The following KLHL8 variants were observed in gnomAD, a reference collection of about 807,000 sequenced individuals.
KLHL8 encodes the protein kelch like family member 8.
KLHL8 carries 38 observed loss-of-function variants against 63.5 expected under a neutral mutation model. That is an observed-to-expected ratio of 0.60 (90% CI 0.46 to 0.78). KLHL8 has a LOEUF of 0.78. Among genes scored for constraint, KLHL8 ranks in the 30% least tolerant of loss-of-function variants. The pLI is 0.00. For missense variants in KLHL8, 566 were observed against 752.4 expected (o/e 0.75, Z 2.90); for synonymous variants, 224 against 254.3 (o/e 0.88, Z 1.13).
chr4:87,179,373 G>T lies in KLHL8; in HGVS notation c.953-753C>A, dbSNP rs183738435. On this transcript the variant is annotated intron_variant, in intron 4 of 9. Transcript: ENST00000273963. ...ACACTTAGCTGTCTTTTTGCTTTCA[G>T]ATTGTCAACACAGTAAACTAATGAA... Among the ~76,000 whole-genome samples, 3 of 152,262 alleles carry T rather than the reference G, an allele frequency of 2.0e-5. No individual in the cohort carries two copies. The East Asian group carries it at 5.8e-4, about 29-fold the overall frequency.
chr4:87,211,993 ACTGT>A (rs1346319679), intron 1 of KLHL8, among the ~76,000 whole-genome samples: 2 of 152,232 alleles, frequency 1.3e-5, no homozygotes. Flanking sequence ...GTACAGCAAC[ACTGT>A]CTGCTGAAAA....
At chr4:87,226,834 AATAAT>A (rs1451129523) in intron 1 of KLHL8, among the ~76,000 whole-genome samples, 6 of 7,794 alleles carry the variant, frequency 7.7e-4, no homozygotes, top group African/African-American at 3.1e-3. Context: ...ATTATTTATA[AATAAT>A]ATATATATTA....
chr4:87,190,187 C>A (rs1731427229), intron 2 of KLHL8, among the ~76,000 whole-genome samples: 1 of 152,060 alleles, frequency 6.6e-6, no homozygotes, highest in Non-Finnish European at 1.5e-5. Flanking sequence ...CTTATGCAAG[C>A]ATCTTCTTTA....
intron 1 of KLHL8, among the ~76,000 whole-genome samples, chr4:87,208,291 A>AAAACAAACAAACAAAC (rs61613935): frequency 1.3e-5 from 2 of 152,038 alleles, no homozygotes; most frequent in African/African-American, 4.8e-5. Flanking sequence ...TGCTTAGCCA[A>AAAACAAACAAACAAAC]AAACAAACAA....
chr4:87,194,644 A>G (rs1228491634), intron 2 of KLHL8, among the ~76,000 whole-genome samples: 1 of 152,226 alleles, frequency 6.6e-6, no homozygotes, highest in African/African-American at 2.4e-5. Flanking sequence ...AGATAAGAAG[A>G]AAGTACTTTA....
intron 2 of KLHL8, among the ~76,000 whole-genome samples, chr4:87,190,460 C>A (rs1319610897): frequency 2.0e-5 from 3 of 152,042 alleles, no homozygotes; most frequent in Non-Finnish European, 4.4e-5. Flanking sequence ...GCCTGGCCAA[C>A]ATGGTGAAAC....
intron 1 of KLHL8, among the ~76,000 whole-genome samples, chr4:87,235,910 C>A (rs1247374499): frequency 6.9e-6 from 1 of 145,374 alleles, no homozygotes; most frequent in African/African-American, 2.5e-5. Flanking sequence ...GAGGAGGGTG[C>A]GGGGGAAGGG....
At chr4:87,232,803 A>G (rs1733157774) in intron 1 of KLHL8, among the ~76,000 whole-genome samples, 1 of 152,080 alleles carries the variant, frequency 6.6e-6, no homozygotes, top group South Asian at 2.1e-4. Context: ...AGGTTTTAAT[A>G]TGTTTAATAT....
chr4:87,182,799 A>G (rs1341312222), intron 4 of KLHL8, among the ~76,000 whole-genome samples: 1 of 152,194 alleles, frequency 6.6e-6, no homozygotes, highest in African/African-American at 2.4e-5. Context: ...GAAAAAACAA[A>G]TATTTAGATG....
chr4:87,237,851 A>C (rs1733258914), intron 1 of KLHL8, among the ~76,000 whole-genome samples: 2 of 152,136 alleles, frequency 1.3e-5, no homozygotes, highest in South Asian at 4.1e-4. Context: ...CAGATTTGAC[A>C]CTGATAATAA....
rs564394182 is a variant in KLHL8 at position 87,207,577 on chromosome 4, C to A, written c.-151-11887G>T. The A allele has an allele frequency of 3.4e-6, 4 of 1,181,436 alleles. No homozygotes were observed. In the East Asian group the frequency reaches 7.0e-5, roughly 21 times the overall value. 73.2% of individuals were successfully genotyped at this position (1,181,436 alleles called of 1,614,324 possible). ...CTTAGCGCCCCTGGCCAATGTCATC[C>A]ATGACAACTTTGGTATCGTGGAAGG... On this transcript the variant is annotated intron_variant, in intron 1 of 9. Transcript: ENST00000273963.
rs181988764 is a variant in KLHL8 at position 87,178,628 on chromosome 4, T to G, written c.953-8A>C. On this transcript the variant is annotated splice_polypyrimidine_tract_variant and splice_region_variant and intron_variant, in intron 4 of 9. Coordinates refer to ENST00000273963, the MANE Select transcript of KLHL8 (RefSeq NM_020803.5). ...CTACACAAAACAGCACACCTAAAGG[T>G]AAAGCCACAAAATAGAGATAAATCA... 9.8e-6 allele frequency: 15 copies of G among 1,532,916 alleles called. No individual in the cohort carries two copies. Among genetic ancestry groups the G allele is most frequent in the Non-Finnish European group, 1.3e-5 (15 of 1,145,372 alleles). The allele number at this position is 1,532,916 out of a possible 1,614,324, so 95.0% of individuals were successfully genotyped here.
At chr4:87,215,094 C>T (rs1483891943) in intron 1 of KLHL8, among the ~76,000 whole-genome samples, 3 of 152,156 alleles carry the variant, frequency 2.0e-5, no homozygotes, top group Non-Finnish European at 4.4e-5. Context: ...CCACCCCGCT[C>T]GGCCAGAATT....
chr4:87,188,057 TTCTG>T (rs370224063), intron 2 of KLHL8, among the ~76,000 whole-genome samples: 3 of 152,286 alleles, frequency 2.0e-5, no homozygotes, highest in African/African-American at 7.2e-5. Flanking sequence ...AGACAATCAT[TTCTG>T]TCTGTTATGC....
intron 1 of KLHL8, 103 bp from the exon 2 acceptor site, chr4:87,195,793 A>G (rs1167140975): frequency 9.5e-6 from 3 of 314,366 alleles, no homozygotes; most frequent in African/African-American, 6.5e-5. Flanking sequence ...TATATCAATC[A>G]TATTTATAAA....
At chr4:87,224,061 A>AT (rs200022877), upstream of KLHL8, among the ~76,000 whole-genome samples, 211 of 147,412 alleles carry the variant, frequency 1.4e-3, 2 homozygotes, top group East Asian at 0.015. Context: ...CAACATTTGC[A>AT]TTTTTTTTTT....
rs147694896 is a variant in KLHL8 at position 87,165,902 on chromosome 4, C to G, written c.1538-1823G>C. On this transcript the variant is annotated intron_variant, in intron 8 of 9. Coordinates refer to ENST00000273963, the MANE Select transcript of KLHL8 (RefSeq NM_020803.5). Reference sequence around the variant, plus strand: ...CCTGTTTTAAGTAGAACCTGAATGACCAAGAAGATTTTTTTAATGTTCAAC... The same window carrying G: ...CCTGTTTTAAGTAGAACCTGAATGAGCAAGAAGATTTTTTTAATGTTCAAC... Among the ~76,000 whole-genome samples the G allele has an allele frequency of 7.3e-3, 1,118 of 152,194 alleles. 13 individuals are homozygous for G. Among genetic ancestry groups the G allele is most frequent in the Non-Finnish European group, 8.7e-3 (590 of 68,002 alleles).
chr4:87,200,827 A>T (rs891054123), intron 1 of KLHL8, among the ~76,000 whole-genome samples: 5 of 152,234 alleles, frequency 3.3e-5, no homozygotes, highest in Non-Finnish European at 7.3e-5. Flanking sequence ...TAGTAAAGAC[A>T]TATTTGCACA....
rs1731603872 is a variant in KLHL8, at chr4:87,194,226, T to A, written c.216+1098A>T. Among the ~76,000 whole-genome samples the A allele has an allele frequency of 2.0e-5, 3 of 152,170 alleles. No homozygotes were observed. The South Asian group carries it at 6.2e-4, about 32-fold the overall frequency. On this transcript the variant is annotated intron_variant, in intron 2 of 9. Coordinates refer to ENST00000273963, the MANE Select transcript of KLHL8 (RefSeq NM_020803.5). ...AGGGAACTAGCTTAGGCCCATTTTGTCCTTCTGCCTTCCATGTGAGGACAC... is the reference window on the plus strand; with the variant it reads ...AGGGAACTAGCTTAGGCCCATTTTGACCTTCTGCCTTCCATGTGAGGACAC...
Sources: allele counts gnomAD v4.1 joint callset (sites outside exome capture counted in the v4.1 genomes callset), GRCh38; gene constraint gnomAD v4.1.1; transcripts MANE v1.5; gene names NCBI Gene and HGNC (gene_info 2026-07-23, HGNC 2026-07-21).